The following ECT2L variants were observed in gnomAD, a reference collection of about 807,000 sequenced individuals.
The protein encoded by ECT2L is epithelial cell transforming 2 like.
In ECT2L, 126 loss-of-function variants were observed where a neutral mutation model predicts 122.8. The observed-to-expected ratio is 1.03, with a 90% CI of 0.89 to 1.19. The LOEUF is 1.19. Among genes scored for constraint, ECT2L ranks in the 50% most tolerant of loss-of-function variants. The probability of loss-of-function intolerance (pLI) is 0.00; values close to 1 mark genes in which losing one functional copy is unlikely to be tolerated. For synonymous variants in ECT2L, 385 were observed against 381.8 expected, an observed-to-expected ratio of 1.01 and a Z score of -0.10; for missense variants, 1,012 against 1,064.1, an observed-to-expected ratio of 0.95 and a Z score of 0.68.
intron 13 of ECT2L, among the ~76,000 whole-genome samples, chr6:138,874,601 C>T (rs1778375848): frequency 1.3e-5 from 2 of 152,086 alleles, no homozygotes; most frequent in African/African-American, 4.8e-5. Flanking sequence ...CTGGGGGGGT[C>T]CATGATGACA....
rs570065787 is a variant in ECT2L, at chr6:138,897,212, A to G, written c.2415-3736A>G. 5.4e-3 allele frequency among the ~76,000 whole-genome samples: 822 copies of G among 152,298 alleles called. 2 individuals are homozygous for G. The highest frequency in any genetic ancestry group is 8.6e-3 in the Non-Finnish European group (582 of 68,034). ...GAGTGTGAGCAGAGGCAGATTTCTG[A>G]AACACTAGGAGCCACTGCAGCTGCT... is the stretch of plus-strand genomic sequence containing the variant. On this transcript the variant is annotated intron_variant, in intron 20 of 21. Coordinates refer to ENST00000541398, the MANE Select transcript of ECT2L (RefSeq NM_001077706.3).
chr6:138,808,822 A>G (rs536776499), intron 1 of ECT2L, among the ~76,000 whole-genome samples: 78 of 151,006 alleles, frequency 5.2e-4, no homozygotes, highest in African/African-American at 1.8e-3. Flanking sequence ...CGCCTCCCCA[A>G]TTCAAGCAAT....
chr6:138,873,662 T>C (rs1398607869), intron 13 of ECT2L, among the ~76,000 whole-genome samples: 2 of 151,950 alleles, frequency 1.3e-5, no homozygotes, highest in African/African-American at 4.8e-5. Context: ...GGCCTGGTGG[T>C]GGGCGCCTGT....
intron 20 of ECT2L, among the ~76,000 whole-genome samples, chr6:138,897,212 A>C (rs570065787): frequency 6.6e-6 from 1 of 152,180 alleles, no homozygotes; most frequent in African/African-American, 2.4e-5. Context: ...CAGATTTCTG[A>C]AACACTAGGA....
At chr6:138,807,838 T>G (rs899574999) in intron 1 of ECT2L, among the ~76,000 whole-genome samples, 5 of 152,134 alleles carry the variant, frequency 3.3e-5, no homozygotes, top group African/African-American at 1.2e-4. Flanking sequence ...TGTATGTGGG[T>G]CTGTTTCTGA....
In ECT2L at chr6:138,838,420, G is replaced by T; in HGVS notation, c.248G>T (p.Arg83Leu). 6.2e-7 allele frequency: 1 copy of T among 1,613,942 alleles called. No individual in the cohort carries two copies. Among genetic ancestry groups the T allele is most frequent in the Non-Finnish European group, 8.5e-7 (1 of 1,179,924 alleles). Residue 83 changes from arginine (R) to leucine (L), a missense_variant, in exon 5 of 22, where the codon CGC becomes CTC. Coordinates refer to ENST00000541398, the MANE Select transcript of ECT2L (RefSeq NM_001077706.3). The part of the protein sequence containing the change: ...AKVDFSTVLP[R>L]FISLYIFSFL... ...GTGGACTTCTCTACAGTGTTACCAC[G>T]CTTCATTTCTCTATATATCTTTTCC...
At chr6:138,839,008 C>G (rs971999170) in intron 5 of ECT2L, among the ~76,000 whole-genome samples, 2 of 152,192 alleles carry the variant, frequency 1.3e-5, no homozygotes, top group African/African-American at 2.4e-5. Context: ...TCTCGCACTC[C>G]TGACCTTGTG....
chr6:138,876,577 T>G lies in ECT2L; in HGVS notation c.1665+19T>G, dbSNP rs1778461268. 2.0e-6 allele frequency: 3 copies of G among 1,517,662 alleles called. No individual in the cohort carries two copies. The African/African-American group carries it at 4.2e-5, about 21-fold the overall frequency. 94.0% of individuals were successfully genotyped at this position (1,517,662 alleles called of 1,614,324 possible). ...TAATCTGGTAAGCTATTATATAATG[T>G]AACTTTACCATTGGTTTTGCTCCTG... On this transcript the variant is annotated intron_variant, in intron 14 of 21. Coordinates refer to ENST00000541398, the MANE Select transcript of ECT2L (RefSeq NM_001077706.3).
chr6:138,845,990 G>C (rs1777208605), intron 7 of ECT2L, among the ~76,000 whole-genome samples: 2 of 151,376 alleles, frequency 1.3e-5, no homozygotes, highest in South Asian at 4.1e-4. Context: ...AGGATTGCTT[G>C]AGCCTGGGAA....
At chr6:138,855,585 T>A (rs1477513726) in intron 10 of ECT2L, among the ~76,000 whole-genome samples, 1 of 152,218 alleles carries the variant, frequency 6.6e-6, no homozygotes, top group African/African-American at 2.4e-5. Flanking sequence ...TTTCTAGATG[T>A]GTTTTATAAT....
Position 138,870,003 on chromosome 6 carries a change from G to GA in ECT2L, c.1578+1800dup, listed in dbSNP as rs1278659248. On this transcript the variant is annotated intron_variant, in intron 13 of 21. Coordinates refer to ENST00000541398, the MANE Select transcript of ECT2L (RefSeq NM_001077706.3). Reference sequence around the variant, plus strand: ...GGTAACTGGAATATGAGATGAACTAGAAAGTCTCATGTACTGACTTGAATT... The same window carrying GA: ...GGTAACTGGAATATGAGATGAACTAGAAAAGTCTCATGTACTGACTTGAATT... Among the ~76,000 whole-genome samples the GA allele has an allele frequency of 1.5e-4, 23 of 152,312 alleles. No homozygotes were observed. In the South Asian group the frequency reaches 3.1e-3, roughly 21 times the overall value.
At chr6:138,889,128 C>T (rs1778930996) in intron 20 of ECT2L, 97 bp downstream of exon 20, 2 of 513,314 alleles carry the variant, frequency 3.9e-6, no homozygotes, top group Middle Eastern at 3.0e-4. Flanking sequence ...CAATGTCTGA[C>T]ACAGTAGGTT....
At chr6:138,869,816 C>T (rs1778184346) in intron 13 of ECT2L, among the ~76,000 whole-genome samples, 2 of 152,202 alleles carry the variant, frequency 1.3e-5, no homozygotes, top group Admixed American at 6.5e-5. Context: ...AGGCCTTCTT[C>T]CTCCCCCTGA....
At chr6:138,868,579 A>C (rs1778133630) in intron 13 of ECT2L, among the ~76,000 whole-genome samples, 1 of 152,154 alleles carries the variant, frequency 6.6e-6, no homozygotes, top group Non-Finnish European at 1.5e-5. Context: ...GAAATCTGAG[A>C]AAGTGTGACC....
chr6:138,888,317 CTTTTTTTT>C (rs71270363), intron 19 of ECT2L, among the ~76,000 whole-genome samples: 1 of 128,644 alleles, frequency 7.8e-6, no homozygotes. Context: ...TTTTTCTTTT[CTTTTTTTT>C]TTTTTTTTTG....
chr6:138,815,452 T>C (rs1330072486), intron 4 of ECT2L, among the ~76,000 whole-genome samples: 1 of 152,168 alleles, frequency 6.6e-6, no homozygotes, highest in African/African-American at 2.4e-5. Context: ...TGGTAGCAGG[T>C]ACGTGGCAGG....
rs1181559715 is a variant in ECT2L at position 138,888,945 on chromosome 6, T to C, written c.2328T>C (p.Thr776=). The C allele has an allele frequency of 4.9e-6, 7 of 1,440,672 alleles. No homozygotes were observed. Among genetic ancestry groups the C allele is most frequent in the Non-Finnish European group, 6.5e-6 (7 of 1,082,866 alleles). The allele number at this position is 1,440,672 out of a possible 1,614,324, so 89.2% of individuals were successfully genotyped here. A position where few individuals can be genotyped will look rare whatever the true frequency, so the allele number is the denominator to read the frequency against. ...TAATTTTGTTTTTGATTTTACAGAC[T>C]CTATCAGAAGTAAACAGATATCTGA... ...DIQRIIWGCP[T]LSEVNRYLIR... is the part of the protein sequence containing the mutation. The change falls in exon 20 of 22, where the codon ACT becomes ACC. Residue 776 remains threonine, a splice_region_variant and synonymous_variant. Transcript: ENST00000541398.
At chr6:138,830,772 A>G (rs951737481) in intron 4 of ECT2L, among the ~76,000 whole-genome samples, 2 of 151,980 alleles carry the variant, frequency 1.3e-5, no homozygotes, top group Non-Finnish European at 2.9e-5. Context: ...CAAATCCTCT[A>G]CATGTCGTTA....
chr6:138,881,186 T>A lies in ECT2L; in HGVS notation c.1880+15T>A, dbSNP rs548415098. On this transcript the variant is annotated intron_variant, in intron 15 of 21. Coordinates refer to ENST00000541398, the MANE Select transcript of ECT2L (RefSeq NM_001077706.3). The stretch of plus-strand genomic sequence containing the variant: ...AGTCTCAACAGGTAAACCCTGAATA[T>A]GTATTTTTTTTAATATTCATTGTGC... 2 of 1,608,304 alleles carry A rather than the reference T, an allele frequency of 1.2e-6. No individual in the cohort carries two copies. The highest frequency in any genetic ancestry group is 4.5e-5 in the East Asian group (2 of 44,586).
Sources: allele counts gnomAD v4.1 joint callset (sites outside exome capture counted in the v4.1 genomes callset), GRCh38; gene constraint gnomAD v4.1.1; transcripts MANE v1.5; gene names NCBI Gene and HGNC (gene_info 2026-07-23, HGNC 2026-07-21).